Variants in DUSP9 observed in about 807,000 individuals in gnomAD.
DUSP9 encodes the protein dual specificity protein phosphatase 9.
Under a neutral mutation model 13.2 loss-of-function variants are expected in DUSP9, and 4 were observed. The observed-to-expected ratio is 0.30, with a 90% CI of 0.15 to 0.69. The LOEUF (loss-of-function observed/expected upper bound fraction) is 0.69. Ranked by LOEUF, DUSP9 falls within the 30% of genes least tolerant of loss-of-function variation. DUSP9 has a pLI of 0.73. For missense variants in DUSP9, 263 were observed against 355.0 expected (o/e 0.74, Z 2.08); for synonymous variants, 166 against 172.3 (o/e 0.96, Z 0.29).
At position 153,649,182 on chromosome X, in the gene DUSP9, T is replaced by G. The variant is rs781950787; in HGVS notation, c.374-50T>G. ...CTCCCCAGCCCCAGACAGAGGCACT[T>G]GGCTGCCCAGAAGGCCAGGTCAGCA... On this transcript the variant is annotated intron_variant, in intron 2 of 3. Transcript: ENST00000342782. 9.5e-4 allele frequency: 1,095 copies of G among 1,148,078 alleles called. 4 individuals carry two copies. The highest frequency in any genetic ancestry group is 3.1e-4 in the Non-Finnish European group (264 of 843,804). The allele number at this position is 1,148,078 out of a possible 1,213,427, so 94.6% of individuals were successfully genotyped here. A position where few individuals can be genotyped will look rare whatever the true frequency, so the allele number is the denominator to read the frequency against.
Position 153,650,057 on chromosome X carries a change from G to T in DUSP9, c.907G>T (p.Ala303Ser). ...GVSRSVTVTV[A>S]YLMQKLHLSL... ...CAGCCGTTCTGTCACCGTCACTGTG[G>T]CCTACCTCATGCAGAAGCTCCACCT... The change falls in exon 4 of 4, where the codon GCC becomes TCC. Residue 303 changes from alanine (A) to serine (S), a missense_variant. Physicochemically the swap from Ala to Ser is moderately conservative, Grantham distance 99. Coordinates refer to ENST00000342782, the MANE Select transcript of DUSP9 (RefSeq NM_001318503.2). 8.3e-7 allele frequency: 1 copy of T among 1,211,516 alleles called. No homozygotes were observed. The highest frequency in any genetic ancestry group is 1.1e-6 in the Non-Finnish European group (1 of 895,473).
At position 153,649,676 on chromosome X, in the gene DUSP9, T is replaced by C. The variant is rs144050387; in HGVS notation, c.818T>C (p.Ile273Thr). 8 of 1,203,317 alleles carry C rather than the reference T, an allele frequency of 6.6e-6. No homozygotes were observed. The highest frequency in any genetic ancestry group is 2.3e-4 in the Middle Eastern group (1 of 4,321). Residue 273 changes from isoleucine to threonine, a missense_variant, in exon 3 of 4, where the codon ATT becomes ACT. Physicochemically the swap from Ile to Thr is moderately conservative, Grantham distance 89 (BLOSUM62 -1). Coordinates refer to ENST00000342782, the MANE Select transcript of DUSP9 (RefSeq NM_001318503.2). ...CTGTCGCGGTTCTTTCCGGAGGCCA[T>C]TGAGTTCATTGGTGAGTCCACCCCA... is the stretch of plus-strand genomic sequence containing the variant. ...QNLSRFFPEA[I>T]EFIDEALSQN... is the part of the protein sequence containing the mutation.
At chrX:153,649,829 A>G in intron 3 of DUSP9, 142 bp downstream of exon 3, 1 of 880,998 alleles carries the variant, frequency 1.1e-6, no homozygotes, top group Non-Finnish European at 1.6e-6. Flanking sequence ...AGGCAGAGCT[A>G]GGGCGGCCCC....
chrX:153,647,010 G>T (rs1407382139), upstream of DUSP9, among the ~76,000 whole-genome samples: 1 of 112,329 alleles, frequency 8.9e-6, no homozygotes, highest in Non-Finnish European at 1.9e-5. Flanking sequence ...CCCCTGCTGG[G>T]CCCCTGACCT....
At chrX:153,643,473 A>G (rs1287537933), upstream of DUSP9, 1 of 340,739 alleles carries the variant, frequency 2.9e-6, no homozygotes, top group Admixed American at 3.1e-5. Context: ...GAGACTCCCC[A>G]GCGACTAGCT....
upstream of DUSP9, chrX:153,643,431 G>A (rs2091176072): frequency 3.0e-6 from 1 of 335,408 alleles, no homozygotes; most frequent in Admixed American, 3.3e-5. Context: ...CAGCAGCCTT[G>A]GGCCCCCCAG....
chrX:153,644,902 C>T (rs1182538881), upstream of DUSP9, among the ~76,000 whole-genome samples: 1 of 112,799 alleles, frequency 8.9e-6, no homozygotes, highest in African/African-American at 3.2e-5. Flanking sequence ...CGAACTGAGC[C>T]CCCACGGCAG....
intron 3 of DUSP9, 32 bp from the exon 4 acceptor site, chrX:153,649,948 G>A: frequency 2.5e-6 from 3 of 1,186,892 alleles, no homozygotes; most frequent in Non-Finnish European, 3.4e-6. Context: ...CCTGCCCTCC[G>A]GGTCTCCCGG....
At chrX:153,646,991 G>A (rs949764022), upstream of DUSP9, among the ~76,000 whole-genome samples, 1 of 112,287 alleles carries the variant, frequency 8.9e-6, no homozygotes, top group East Asian at 2.8e-4. Flanking sequence ...CAGGGGAGCC[G>A]CAGCTGGTCC....
rs1199290349 is a variant in DUSP9, at chrX:153,648,416, G to GC, written c.373+96dup. 4 of 967,309 alleles carry GC rather than the reference G, an allele frequency of 4.1e-6. No individual in the cohort carries two copies. In the African/African-American group the frequency reaches 6.1e-5, roughly 15 times the overall value. 79.7% of individuals were successfully genotyped at this position (967,309 alleles called of 1,213,427 possible). Reference sequence around the variant, plus strand: ...TTCTTTTTTTCTAAAGCGAGTTGAGGCCCCCCTCCCCTGATGACCTGCCAG... The same window carrying GC: ...TTCTTTTTTTCTAAAGCGAGTTGAGGCCCCCCCTCCCCTGATGACCTGCCAG... On this transcript the variant is annotated intron_variant, in intron 2 of 3. Transcript: ENST00000342782.
Position 153,649,631 on chromosome X carries a change from C to G in DUSP9, c.773C>G (p.Ser258Cys). 8.3e-7 allele frequency: 1 copy of G among 1,212,007 alleles called. No homozygotes were observed. Among genetic ancestry groups the G allele is most frequent in the Non-Finnish European group, 1.1e-6 (1 of 895,617 alleles). Residue 258 changes from serine to cysteine, a missense_variant, in exon 3 of 4, where the codon TCC becomes TGC. By Grantham distance (112) the Ser-to-Cys change is moderately radical. Transcript: ENST00000342782. Reference protein sequence around the residue: ...GDFHYKQIPISDHWSQNLSRF... With the variant: ...GDFHYKQIPICDHWSQNLSRF... ...TTTCACTACAAGCAGATCCCCATCT[C>G]CGACCACTGGAGCCAGAACCTGTCG...
Position 153,650,125 on chromosome X carries a change from T to C in DUSP9, c.975T>C (p.Ser325=), listed in dbSNP as rs1424294374. The change falls in exon 4 of 4, where the codon TCT becomes TCC. Residue 325 remains serine (S), a synonymous_variant. Transcript: ENST00000342782. ...ATGACCTGGTCAAGAGGAAGAAGTC[T>C]AACATCTCCCCCAACTTCAACTTCA... ...DAYDLVKRKK[S]NISPNFNFMG... 4.2e-5 allele frequency: 51 copies of C among 1,210,745 alleles called. No individual in the cohort carries two copies. The highest frequency in any genetic ancestry group is 5.6e-5 in the Non-Finnish European group (50 of 895,354).
upstream of DUSP9, among the ~76,000 whole-genome samples, chrX:153,646,405 G>A (rs894266580): frequency 4.4e-5 from 5 of 112,434 alleles, no homozygotes; most frequent in African/African-American, 1.6e-4. Flanking sequence ...TGTGCAAGAC[G>A]TGACAGTGAC....
In DUSP9 at chrX:153,649,214, A is replaced by C; in HGVS notation, c.374-18A>C. On this transcript the variant is annotated intron_variant, in intron 2 of 3. Coordinates refer to ENST00000342782, the MANE Select transcript of DUSP9 (RefSeq NM_001318503.2). ...CCAGAAGGCCAGGTCAGCAGGCCCCATGCCCTCTCCCCAACAGGAGGCTTC... is the reference window on the plus strand; with the variant it reads ...CCAGAAGGCCAGGTCAGCAGGCCCCCTGCCCTCTCCCCAACAGGAGGCTTC... 5.0e-6 allele frequency: 6 copies of C among 1,206,880 alleles called. No individual in the cohort carries two copies. Among genetic ancestry groups the C allele is most frequent in the Non-Finnish European group, 6.7e-6 (6 of 892,948 alleles).
chrX:153,646,111 C>A (rs1203834874), upstream of DUSP9, among the ~76,000 whole-genome samples: 6 of 112,795 alleles, frequency 5.3e-5, no homozygotes, highest in African/African-American at 1.9e-4. Context: ...TCCTTCAACA[C>A]TGTTATTTGC....
chrX:153,649,362 C>T lies in DUSP9; in HGVS notation c.504C>T (p.Gly168=). Residue 168 remains glycine, a synonymous_variant, in exon 3 of 4, where the codon GGC becomes GGT. Coordinates refer to ENST00000342782, the MANE Select transcript of DUSP9 (RefSeq NM_001318503.2). ...PVVGLGSLCL[G]SDCSDAESEA... Reference sequence around the variant, plus strand: ...TGGGGTTGGGCAGCCTGTGCCTGGGCTCCGACTGCTCTGATGCGGAATCCG... The same window carrying T: ...TGGGGTTGGGCAGCCTGTGCCTGGGTTCCGACTGCTCTGATGCGGAATCCG... 8.3e-7 allele frequency: 1 copy of T among 1,211,088 alleles called. No homozygotes were observed. Among genetic ancestry groups the T allele is most frequent in the Non-Finnish European group, 1.1e-6 (1 of 895,545 alleles).
upstream of DUSP9, among the ~76,000 whole-genome samples, chrX:153,646,000 C>A (rs1689063657): frequency 8.8e-6 from 1 of 112,995 alleles, no homozygotes; most frequent in African/African-American, 3.2e-5. Flanking sequence ...GCATTCCCTC[C>A]TTCCTGCAGT....
rs781982138 is a variant in DUSP9 at position 153,650,236 on chromosome X, G to A, written c.1086G>A (p.Ala362=). ...QEQGSGGQAS[A]ASNPPSFFTT... ...AGGGCAGTGGGGGGCAGGCATCTGC[G>A]GCCTCCAACCCGCCCTCCTTCTTCA... The change falls in exon 4 of 4, where the codon GCG becomes GCA. Residue 362 remains alanine, a synonymous_variant. Coordinates refer to ENST00000342782, the MANE Select transcript of DUSP9 (RefSeq NM_001318503.2). The A allele has an allele frequency of 6.6e-6, 8 of 1,210,878 alleles. No homozygotes were observed. Among genetic ancestry groups the A allele is most frequent in the Middle Eastern group, 2.3e-4 (1 of 4,343 alleles).
At chrX:153,648,732 G>A (rs1384391420) in intron 2 of DUSP9, among the ~76,000 whole-genome samples, 1 of 111,831 alleles carries the variant, frequency 8.9e-6, no homozygotes, top group South Asian at 3.7e-4. Context: ...TTAGCCTCCC[G>A]AACAGCATAT....
Sources: allele counts gnomAD v4.1 joint callset (sites outside exome capture counted in the v4.1 genomes callset), GRCh38; gene constraint gnomAD v4.1.1; transcripts MANE v1.5; gene names NCBI Gene and HGNC (gene_info 2026-07-23, HGNC 2026-07-21).